DENND1B: variants seen among roughly 807,000 people sequenced by gnomAD.
DENND1B encodes the protein DENN domain containing 1B.
DENND1B carries 59 observed loss-of-function variants against 90.1 expected under a neutral mutation model. The observed-to-expected ratio is 0.65, with a 90% CI of 0.53 to 0.81. The LOEUF is 0.81. Ranked by LOEUF, DENND1B falls within the 40% of genes least tolerant of loss-of-function variation. The pLI, the probability that DENND1B is intolerant of heterozygous loss-of-function variation, is 0.00. For missense variants in DENND1B, 862 were observed against 912.6 expected (o/e 0.94, Z 0.71); for synonymous variants, 337 against 324.6 (o/e 1.04, Z -0.41).
At position 197,510,763 on chromosome 1, in the gene DENND1B, GTCAGCACCGAGGTGCT is replaced by G; in HGVS notation, c.2009_2024del (p.Lys670ThrfsTer3). ...GTCCTGAAGTAGGGTCACTCACATT[GTCAGCACCGAGGTGCT>G]TGTTACTGTTTTCCTCTTTCAGGAT... On this transcript the variant is annotated frameshift_variant, in exon 23 of 23. Coordinates refer to ENST00000620048, the MANE Select transcript of DENND1B (RefSeq NM_001195215.2). LOFTEE classifies it low-confidence loss of function (END_TRUNC). The G allele has an allele frequency of 6.2e-7, 1 of 1,612,598 alleles. No homozygotes were observed. The highest frequency in any genetic ancestry group is 8.5e-7 in the Non-Finnish European group (1 of 1,179,142).
At chr1:197,775,049 T>G in intron 1 of DENND1B, 90 bp downstream of exon 1, 1 of 937,544 alleles carries the variant, frequency 1.1e-6, no homozygotes, top group Non-Finnish European at 1.4e-6. Flanking sequence ...GGGGAGCCGG[T>G]TGAGCGCGGA....
At chr1:197,542,945 T>A (rs942762642) in intron 18 of DENND1B, among the ~76,000 whole-genome samples, 14 of 110,490 alleles carry the variant, frequency 1.3e-4, no homozygotes, top group South Asian at 3.1e-4. Flanking sequence ...TTATTTATTT[T>A]TTTCCCTGAG....
intron 22 of DENND1B, 66 bp downstream of exon 22, chr1:197,511,662 C>A (rs1224354730): frequency 7.7e-7 from 1 of 1,301,360 alleles, no homozygotes; most frequent in Admixed American, 2.4e-5. Flanking sequence ...AGTATAAGAT[C>A]CAGTAATCAC....
chr1:197,554,711 G>A (rs1040880269), intron 15 of DENND1B, among the ~76,000 whole-genome samples: 6 of 151,088 alleles, frequency 4.0e-5, no homozygotes, highest in African/African-American at 4.9e-5. Flanking sequence ...ACGTGGTGGC[G>A]CACACCTGTA....
chr1:197,543,369 G>A (rs1037660421), intron 18 of DENND1B, among the ~76,000 whole-genome samples: 5 of 151,950 alleles, frequency 3.3e-5, no homozygotes, highest in Non-Finnish European at 7.4e-5. Flanking sequence ...TCATTGCTGC[G>A]CTTTTGTGAA....
intron 15 of DENND1B, among the ~76,000 whole-genome samples, chr1:197,563,701 A>T (rs116306870): frequency 0.017 from 2,658 of 152,144 alleles, 75 homozygotes; most frequent in African/African-American, 0.06. Flanking sequence ...TTATTTAAGA[A>T]ATACATTTCA....
intron 11 of DENND1B, among the ~76,000 whole-genome samples, chr1:197,613,321 T>C (rs1343158963): frequency 6.6e-6 from 1 of 151,018 alleles, no homozygotes; most frequent in East Asian, 2.0e-4. Context: ...TTAAAGTTCT[T>C]ATTTTACTCC....
At chr1:197,671,562 A>G (rs1443747530) in intron 5 of DENND1B, among the ~76,000 whole-genome samples, 2 of 152,158 alleles carry the variant, frequency 1.3e-5, no homozygotes, top group African/African-American at 4.8e-5. Context: ...CCTCAAATTC[A>G]TAAGGTTAAC....
At chr1:197,700,168 C>G (rs1231800222) in intron 3 of DENND1B, among the ~76,000 whole-genome samples, 1 of 152,032 alleles carries the variant, frequency 6.6e-6, no homozygotes, top group African/African-American at 2.4e-5. Context: ...AAGTAAAACC[C>G]TAAGTAAAAA....
chr1:197,695,086 A>T (rs1658294203), intron 3 of DENND1B, among the ~76,000 whole-genome samples: 1 of 151,262 alleles, frequency 6.6e-6, no homozygotes, highest in Non-Finnish European at 1.5e-5. Flanking sequence ...AGAATATAAA[A>T]TAAGCATGCA....
intron 2 of DENND1B, among the ~76,000 whole-genome samples, chr1:197,758,997 T>A (rs1654664001): frequency 7.3e-6 from 1 of 136,804 alleles, no homozygotes; most frequent in Non-Finnish European, 1.5e-5. Flanking sequence ...TAAGATGGAG[T>A]CTCTCTCTGT....
intron 2 of DENND1B, among the ~76,000 whole-genome samples, chr1:197,750,177 T>C (rs922637959): frequency 2.0e-5 from 3 of 152,134 alleles, no homozygotes; most frequent in Non-Finnish European, 4.4e-5. Flanking sequence ...AAAAATAGTG[T>C]ATGACAGCAA....
intron 3 of DENND1B, chr1:197,690,571 AC>A: frequency 4.2e-6 from 1 of 235,482 alleles, no homozygotes; most frequent in Non-Finnish European, 8.3e-6. Flanking sequence ...AAAGCAGTGG[AC>A]AAGAGGGCTG....
intron 14 of DENND1B, among the ~76,000 whole-genome samples, chr1:197,593,220 C>A (rs1453031599): frequency 1.3e-5 from 2 of 151,494 alleles, no homozygotes; most frequent in Non-Finnish European, 3.0e-5. Context: ...AAATCATTTT[C>A]CCTAAAAACT....
intron 2 of DENND1B, among the ~76,000 whole-genome samples, chr1:197,760,675 T>A (rs976433833): frequency 2.6e-5 from 4 of 151,890 alleles, no homozygotes; most frequent in Admixed American, 2.6e-4. Flanking sequence ...CCACAGATTT[T>A]ATAATCCCCC....
At chr1:197,590,801 G>C (rs932068933) in intron 14 of DENND1B, among the ~76,000 whole-genome samples, 5 of 152,048 alleles carry the variant, frequency 3.3e-5, no homozygotes, top group Non-Finnish European at 7.3e-5. Flanking sequence ...TGAGATTTGA[G>C]CCTTCAGGAT....
chr1:197,709,765 T>C lies in DENND1B; in HGVS notation c.126+5266A>G, dbSNP rs1400574588. ...AATATAAATGGACTAAATTCTGCAA[T>C]TAAAAGACACAGACTGGCAAGTTGG... On this transcript the variant is annotated intron_variant, in intron 3 of 22. Coordinates refer to ENST00000620048, the MANE Select transcript of DENND1B (RefSeq NM_001195215.2). 3.2e-5 allele frequency among the ~76,000 whole-genome samples: 4 copies of C among 126,976 alleles called. 1 individual carries two copies. The highest frequency in any genetic ancestry group is 1.3e-4 in the African/African-American group (4 of 30,156). The allele number at this position is 126,976 out of a possible 152,430, so 83.3% of individuals were successfully genotyped here.
intron 14 of DENND1B, among the ~76,000 whole-genome samples, chr1:197,593,103 C>A (rs909198083): frequency 6.7e-6 from 1 of 149,954 alleles, no homozygotes. Context: ...TATCAATGAC[C>A]GAAAAGAATT....
chr1:197,603,542 A>G (rs12142712), intron 13 of DENND1B, among the ~76,000 whole-genome samples: 23,672 of 151,012 alleles, frequency 0.16, 2,143 homozygotes, highest in Non-Finnish European at 0.2. Flanking sequence ...GTAAAAAAAA[A>G]CTTGCCTGTT....
Sources: gnomAD v4.1 joint callset for allele counts (sites outside exome capture counted in the v4.1 genomes callset) on GRCh38, gnomAD v4.1.1 for gene constraint, MANE v1.5 for transcripts, NCBI Gene and HGNC (gene_info 2026-07-23, HGNC 2026-07-21) for gene names.